AGO3: variants seen among roughly 807,000 people sequenced by gnomAD.
AGO3 encodes the protein protein argonaute-3.
Under a neutral mutation model 105.5 loss-of-function variants are expected in AGO3, and 16 were observed. The ratio of observed to expected loss-of-function variants is 0.15; its 90% CI spans 0.10 to 0.23. The LOEUF is 0.23. AGO3 is among the 10% of genes least tolerant of loss of function. AGO3 has a pLI of 1.00. For synonymous variants in AGO3, 340 were observed against 367.3 expected (o/e 0.93, Z 0.85); for missense variants, 534 against 1,088.0 (o/e 0.49, Z 7.16).
At chr1:36,043,956 C>A (rs1482803932) in intron 17 of AGO3, among the ~76,000 whole-genome samples, 2 of 152,144 alleles carry the variant, frequency 1.3e-5, no homozygotes, top group African/African-American at 2.4e-5. Context: ...CCTCAGCCTC[C>A]CAAGTAGTTG....
At chr1:35,979,954 C>A (rs1397204498) in intron 5 of AGO3, among the ~76,000 whole-genome samples, 3 of 152,064 alleles carry the variant, frequency 2.0e-5, no homozygotes, top group African/African-American at 7.2e-5. Context: ...AAGTCACAAC[C>A]ATTGGTCATG....
rs182999697 is a variant in AGO3, at chr1:35,933,053, C to T, written c.19+1608C>T. 1.3e-3 allele frequency among the ~76,000 whole-genome samples: 201 copies of T among 152,276 alleles called. 2 individuals carry two copies. The highest frequency in any genetic ancestry group is 4.0e-4 in the Non-Finnish European group (27 of 68,028). ...TAAGCCAAGTACAGCTCAGAAAATA[C>T]ATTTTACCTCTTCTTTTTTGGGTGT... is the stretch of plus-strand genomic sequence containing the variant. On this transcript the variant is annotated intron_variant, in intron 1 of 18. Transcript: ENST00000373191.
At chr1:35,941,465 TCTAA>T (rs937556512) in intron 1 of AGO3, among the ~76,000 whole-genome samples, 6 of 152,232 alleles carry the variant, frequency 3.9e-5, no homozygotes, top group East Asian at 1.9e-4. Context: ...GCTGACACTA[TCTAA>T]CTAACTTCAA....
At chr1:36,046,330 G>T (rs1642467718) in intron 17 of AGO3, among the ~76,000 whole-genome samples, 1 of 152,160 alleles carries the variant, frequency 6.6e-6, no homozygotes, top group Non-Finnish European at 1.5e-5. Context: ...AATTACTCCA[G>T]CCCAGTGGCC....
chr1:35,993,098 A>G (rs1317177801), intron 5 of AGO3, among the ~76,000 whole-genome samples: 1 of 152,132 alleles, frequency 6.6e-6, no homozygotes, highest in Non-Finnish European at 1.5e-5. Flanking sequence ...TTTTTATAAT[A>G]CCCTATTGGT....
rs970879967 is a variant in AGO3, at chr1:36,061,091, T to G, written c.*5346T>G. The G allele has an allele frequency of 6.6e-6, 1 of 152,148 alleles. No homozygotes were observed. The allele number at this position is 152,148 out of a possible 1,614,324, so 9.4% of individuals were successfully genotyped here. ...AAAAATCTTTTTAAAAAAGTCCTGCTTATACTAAGAACATTCTTGATCCGT... is the reference window on the plus strand; with the variant it reads ...AAAAATCTTTTTAAAAAAGTCCTGCGTATACTAAGAACATTCTTGATCCGT... On this transcript the variant is annotated 3_prime_UTR_variant, in exon 19 of 19. Transcript: ENST00000373191.
chr1:35,969,722 G>A (rs1221567510), intron 3 of AGO3, among the ~76,000 whole-genome samples: 1 of 152,118 alleles, frequency 6.6e-6, no homozygotes, highest in Non-Finnish European at 1.5e-5. Context: ...TCATCACAGT[G>A]TATACTTACG....
chr1:36,049,526 A>G (rs1053176802), intron 17 of AGO3, among the ~76,000 whole-genome samples: 7 of 152,050 alleles, frequency 4.6e-5, no homozygotes, highest in Non-Finnish European at 8.8e-5. Flanking sequence ...CAAAAAAAAA[A>G]AAAAGAAAAG....
intron 11 of AGO3, among the ~76,000 whole-genome samples, chr1:36,026,821 G>T (rs1641527340): frequency 6.6e-6 from 1 of 152,174 alleles, no homozygotes; most frequent in South Asian, 2.1e-4. Flanking sequence ...TAGCAGAACT[G>T]GGAATGGAAC....
At chr1:36,029,761 C>T (rs12025164) in intron 12 of AGO3, among the ~76,000 whole-genome samples, 12,770 of 148,598 alleles carry the variant, frequency 0.086, 1,873 homozygotes, top group East Asian at 0.66. Flanking sequence ...GGCATGATCT[C>T]AGCTCACTGC....
chr1:35,949,645 G>A (rs977256443), intron 2 of AGO3, among the ~76,000 whole-genome samples: 3 of 151,966 alleles, frequency 2.0e-5, no homozygotes, highest in Admixed American at 1.3e-4. Flanking sequence ...TAAAAGTCAG[G>A]GTCTCAATCT....
In AGO3 at chr1:36,004,492, T is replaced by G. The variant is rs1456645285; in HGVS notation, c.793+17T>G. 1 of 1,568,442 alleles carries G rather than the reference T, an allele frequency of 6.4e-7. No individual in the cohort carries two copies. The highest frequency in any genetic ancestry group is 1.8e-5 in the Admixed American group (1 of 56,638). On this transcript the variant is annotated intron_variant, in intron 6 of 18. Coordinates refer to ENST00000373191, the MANE Select transcript of AGO3 (RefSeq NM_024852.4). ...AGATAAAAGGTGAATTAATTAGCAT[T>G]TAGCACAACTTAACTATAAAATGCA... is the stretch of plus-strand genomic sequence containing the variant.
Position 36,062,166 on chromosome 1 carries a change from T to TC in AGO3, c.*6421_*6422insC, listed in dbSNP as rs1643034387. On this transcript the variant is annotated 3_prime_UTR_variant, in exon 19 of 19. Coordinates refer to ENST00000373191, the MANE Select transcript of AGO3 (RefSeq NM_024852.4). ...CAACATTTTCTAATTAATCTTTTTT[T>TC]TTTTTTTTTTTTTTGAGACAAAGTC... 1 of 150,362 alleles carries TC rather than the reference T, an allele frequency of 6.7e-6. No homozygotes were observed. The highest frequency in any genetic ancestry group is 1.5e-5 in the Non-Finnish European group (1 of 67,484). The allele number at this position is 150,362 out of a possible 1,614,324, so 9.3% of individuals were successfully genotyped here.
intron 12 of AGO3, among the ~76,000 whole-genome samples, chr1:36,033,336 C>CAAA (rs80275011): frequency 3.2e-5 from 4 of 125,046 alleles, no homozygotes; most frequent in African/African-American, 8.8e-5. Context: ...GACTCCATCT[C>CAAA]AAAAAAAAAA....
At chr1:36,047,365 TAGAG>T (rs990822253) in intron 17 of AGO3, among the ~76,000 whole-genome samples, 2 of 149,758 alleles carry the variant, frequency 1.3e-5, no homozygotes, top group African/African-American at 2.5e-5. Flanking sequence ...CAAAATATAA[TAGAG>T]AGCTTCAACA....
At chr1:35,960,997 G>A (rs1005765203) in intron 2 of AGO3, among the ~76,000 whole-genome samples, 4 of 149,336 alleles carry the variant, frequency 2.7e-5, no homozygotes, top group African/African-American at 9.9e-5. Context: ...AGGGTGGAGT[G>A]CAGTGGTGCG....
chr1:36,017,816 T>C (rs1431529161), intron 11 of AGO3, among the ~76,000 whole-genome samples: 1 of 151,704 alleles, frequency 6.6e-6, no homozygotes, highest in African/African-American at 2.4e-5. Context: ...AGTGGGAGGA[T>C]TGCTTGAGCC....
At chr1:36,003,706 AAAAATATAT>A (rs1468521218) in intron 5 of AGO3, among the ~76,000 whole-genome samples, 8 of 128,298 alleles carry the variant, frequency 6.2e-5, no homozygotes, top group Admixed American at 8.3e-5. Context: ...AAAAAAAAAA[AAAAATATAT>A]ATATATATAT....
chr1:36,043,350 GT>G, intron 16 of AGO3, 96 bp from the exon 17 acceptor site: 1 of 902,484 alleles, frequency 1.1e-6, no homozygotes, highest in South Asian at 1.6e-5. Context: ...GTAGTGAAAT[GT>G]AGGATCAGCC....
Sources: allele counts gnomAD v4.1 joint callset (sites outside exome capture counted in the v4.1 genomes callset), GRCh38; gene constraint gnomAD v4.1.1; transcripts MANE v1.5; gene names NCBI Gene and HGNC (gene_info 2026-07-23, HGNC 2026-07-21).